Variants in NR2C1 observed in about 807,000 individuals in gnomAD.
NR2C1 encodes nuclear receptor subfamily 2 group C member 1.
NR2C1 carries 33 observed loss-of-function variants against 74.8 expected under a neutral mutation model. The observed-to-expected ratio is 0.44, with a 90% CI of 0.33 to 0.59. NR2C1 has a LOEUF of 0.59. Ranked by LOEUF, NR2C1 falls within the 20% of genes least tolerant of loss-of-function variation. The probability of loss-of-function intolerance (pLI) is 0.02; values close to 1 mark genes in which losing one functional copy is unlikely to be tolerated. For missense variants in NR2C1, 568 were observed against 715.6 expected, an observed-to-expected ratio of 0.79 and a Z score of 2.35; for synonymous variants, 225 against 240.6, an observed-to-expected ratio of 0.94 and a Z score of 0.60.
Position 95,050,317 on chromosome 12 carries a change from G to A in NR2C1, c.966-1084C>T, listed in dbSNP as rs147498039. ...TTATTCAGTATATATATTATGTTTT[G>A]TTGTTGTTTGAGACAGACTCTCGTT... is the stretch of plus-strand genomic sequence containing the variant. On this transcript the variant is annotated intron_variant, in intron 8 of 13. Transcript: ENST00000333003. Among the ~76,000 whole-genome samples the A allele has an allele frequency of 6.9e-3, 1,050 of 152,120 alleles. 12 individuals carry two copies. Among genetic ancestry groups the A allele is most frequent in the African/African-American group, 0.023 (936 of 41,482 alleles).
At chr12:95,056,890 C>A (rs968418864) in intron 7 of NR2C1, among the ~76,000 whole-genome samples, 2 of 147,094 alleles carry the variant, frequency 1.4e-5, no homozygotes, top group Admixed American at 7.0e-5. Context: ...ACCCGGGAAG[C>A]GGAGCTTGCA....
rs368949765 is a variant in NR2C1 at position 95,031,338 on chromosome 12, G to A, written c.1393+11C>T. 1 of 1,567,540 alleles carries A rather than the reference G, an allele frequency of 6.4e-7. No individual in the cohort carries two copies. The highest frequency in any genetic ancestry group is 1.9e-5 in the Admixed American group (1 of 51,520). On this transcript the variant is annotated intron_variant, in intron 11 of 13. Transcript: ENST00000333003. ...CTACAACCTGGAAAAGGTAAGGAAG[G>A]TGCTTTTTACCTTGTTGAAGACTAT...
intron 7 of NR2C1, among the ~76,000 whole-genome samples, chr12:95,052,159 T>G: frequency 9.4e-6 from 1 of 105,940 alleles, no homozygotes; most frequent in East Asian, 3.0e-4. Context: ...TGTTACTTTG[T>G]TTTTTTTTTT....
At chr12:95,056,978 CTT>C (rs1273951726) in intron 7 of NR2C1, among the ~76,000 whole-genome samples, 2 of 149,014 alleles carry the variant, frequency 1.3e-5, no homozygotes, top group African/African-American at 4.9e-5. Context: ...AAAAAAAAGA[CTT>C]TTACACCTAT....
rs369702528 is a variant in NR2C1, at chr12:95,028,415, G to A, written c.1503C>T (p.Tyr501=). ...KLCIDGYEYA[Y]LKAIVLFSPD... ...GACTGAAGAGTACTATTGCCTTCAG[G>A]TAGGCATATTCGTATCCATCAATGC... Residue 501 remains tyrosine, a synonymous_variant, in exon 12 of 14, where the codon TAC becomes TAT. Coordinates refer to ENST00000333003, the MANE Select transcript of NR2C1 (RefSeq NM_003297.4). 1 of 1,611,056 alleles carries A rather than the reference G, an allele frequency of 6.2e-7. No homozygotes were observed. The highest frequency in any genetic ancestry group is 8.5e-7 in the Non-Finnish European group (1 of 1,177,974).
At chr12:95,038,481 G>A (rs538539896) in intron 10 of NR2C1, among the ~76,000 whole-genome samples, 14 of 152,256 alleles carry the variant, frequency 9.2e-5, no homozygotes, top group Non-Finnish European at 1.8e-4. Flanking sequence ...TTGCTGGCTA[G>A]GCACAGAGGC....
intron 8 of NR2C1, among the ~76,000 whole-genome samples, chr12:95,050,576 T>C (rs1049827134): frequency 6.6e-6 from 1 of 151,996 alleles, no homozygotes; most frequent in Admixed American, 6.6e-5. Context: ...CCTAAAGTGG[T>C]AGGATTACAG....
chr12:95,031,017 T>C (rs1254307718), intron 11 of NR2C1: 2 of 729,178 alleles, frequency 2.7e-6, no homozygotes, highest in East Asian at 5.4e-5. Flanking sequence ...CATTTAAAAA[T>C]TGCTGAGTAG....
chr12:95,072,461 AAAAAAAAAAAAAAG>A (rs1234027933), intron 1 of NR2C1, among the ~76,000 whole-genome samples: 1 of 150,276 alleles, frequency 6.7e-6, no homozygotes, highest in Non-Finnish European at 1.5e-5. Context: ...CTCTCAAAAA[AAAAAAAAAAAAAAG>A]AAAAAAAAAT....
At chr12:95,030,814 T>C in intron 11 of NR2C1, 1 of 1,613,570 alleles carries the variant, frequency 6.2e-7, no homozygotes. Flanking sequence ...TAGTTAAGCA[T>C]TTATAAATCA....
At chr12:95,057,098 A>AT (rs1184465413) in intron 7 of NR2C1, among the ~76,000 whole-genome samples, 7,889 of 111,454 alleles carry the variant, frequency 0.071, 467 homozygotes, top group Non-Finnish European at 0.093. Context: ...AACATTTCTG[A>AT]TTTTTTTTTT....
In NR2C1 at chr12:95,040,578, A is replaced by G; in HGVS notation, c.1151T>C (p.Met384Thr). The G allele has an allele frequency of 6.2e-7, 1 of 1,612,808 alleles. No individual in the cohort carries two copies. Among genetic ancestry groups the G allele is most frequent in the Non-Finnish European group, 8.5e-7 (1 of 1,179,074 alleles). The change falls in exon 10 of 14, where the codon ATG becomes ACG. Residue 384 changes from methionine (M) to threonine (T), a missense_variant. Met to Thr is a moderately conservative substitution (Grantham distance 81, BLOSUM62 -1). Coordinates refer to ENST00000333003, the MANE Select transcript of NR2C1 (RefSeq NM_003297.4). ...GTAGTGCACATTCAGGTACTCAGGC[A>G]TAGGAGAAGGCATGGTGAGCTAGTA... ...VAFRLTMPSP[M>T]PEYLNVHYIG...
intron 11 of NR2C1, among the ~76,000 whole-genome samples, chr12:95,028,909 G>A (rs1869707199): frequency 6.6e-6 from 1 of 152,136 alleles, no homozygotes; most frequent in Non-Finnish European, 1.5e-5. Flanking sequence ...GATTACAGGT[G>A]TGAGCCACTG....
intron 2 of NR2C1, among the ~76,000 whole-genome samples, chr12:95,065,575 A>G (rs1284181655): frequency 6.6e-6 from 1 of 152,158 alleles, no homozygotes; most frequent in African/African-American, 2.4e-5. Flanking sequence ...CATGGAAAAC[A>G]GGGCATCCAT....
At chr12:95,072,078 T>A (rs531916681) in intron 1 of NR2C1, among the ~76,000 whole-genome samples, 1 of 148,526 alleles carries the variant, frequency 6.7e-6, no homozygotes, top group Non-Finnish European at 1.5e-5. Context: ...GAAATACACA[T>A]CGCTTTTTCA....
chr12:95,033,873 T>C (rs1413206231), intron 10 of NR2C1, among the ~76,000 whole-genome samples: 1 of 152,198 alleles, frequency 6.6e-6, no homozygotes, highest in South Asian at 2.1e-4. Context: ...AAAAGAGCTG[T>C]GGGCCCTTTT....
chr12:95,031,073 G>T (rs1178061107), intron 11 of NR2C1, among the ~76,000 whole-genome samples: 1 of 152,152 alleles, frequency 6.6e-6, no homozygotes, highest in South Asian at 2.1e-4. Flanking sequence ...GCTCACCCTG[G>T]ATTCTTTGAT....
intron 11 of NR2C1, 58 bp from the exon 12 acceptor site, chr12:95,028,582 C>G: frequency 8.3e-7 from 1 of 1,207,008 alleles, no homozygotes; most frequent in Non-Finnish European, 1.2e-6. Flanking sequence ...CAACTACTTT[C>G]ATCCAATATA....
At chr12:95,049,312 A>G in intron 8 of NR2C1, 79 bp from the exon 9 acceptor site, 2 of 1,444,984 alleles carry the variant, frequency 1.4e-6, no homozygotes, top group Non-Finnish European at 1.9e-6. Flanking sequence ...TTCTGGAATT[A>G]AGATTTAAGC....
Sources: gnomAD v4.1 joint callset for allele counts (sites outside exome capture counted in the v4.1 genomes callset) on GRCh38, gnomAD v4.1.1 for gene constraint, MANE v1.5 for transcripts, NCBI Gene and HGNC (gene_info 2026-07-23, HGNC 2026-07-21) for gene names.